CACNA1A: variants seen among roughly 807,000 people sequenced by gnomAD.
The protein encoded by CACNA1A is calcium voltage-gated channel subunit alpha1 A, also known as voltage-dependent P/Q-type calcium channel subunit alpha-1A.
Under a neutral mutation model 262.4 loss-of-function variants are expected in CACNA1A, and 57 were observed. That is an observed-to-expected ratio of 0.22 (90% CI 0.18 to 0.27). The LOEUF is 0.27. Among genes scored for constraint, CACNA1A ranks in the 10% least tolerant of loss-of-function variants. The probability of loss-of-function intolerance (pLI) is 1.00; values close to 1 mark genes in which losing one functional copy is unlikely to be tolerated. For missense variants in CACNA1A, 2,526 were observed against 3,562.8 expected (o/e 0.71, Z 7.41); for synonymous variants, 1,431 against 1,419.3 (o/e 1.01, Z -0.18).
chr19:13,215,727 C>T (rs10405275), intron 38 of CACNA1A, among the ~76,000 whole-genome samples: 124,157 of 151,272 alleles, frequency 0.82, 51,172 homozygotes, highest in Middle Eastern at 0.91. Context: ...AGAGATTCTC[C>T]CGCTTCAGCT....
At chr19:13,278,139 CTGAACATGGCCACCAGAGGGCGCTG>C (rs900514184) in intron 22 of CACNA1A, among the ~76,000 whole-genome samples, 5 of 150,942 alleles carry the variant, frequency 3.3e-5, no homozygotes, top group Non-Finnish European at 7.4e-5. Context: ...CTGAGCATTA[CTGAACATGGCCACCAGAGGGCGCTG>C]TGAACACCAA....
chr19:13,427,177 C>T (rs984457950), intron 3 of CACNA1A, among the ~76,000 whole-genome samples: 2 of 152,022 alleles, frequency 1.3e-5, no homozygotes, highest in Admixed American at 6.6e-5. Flanking sequence ...CCAGGGCATG[C>T]GTGGTGGCTC....
chr19:13,310,530 A>AGAGAGAGT (rs1291290420), intron 12 of CACNA1A, among the ~76,000 whole-genome samples: 4 of 117,842 alleles, frequency 3.4e-5, no homozygotes, highest in African/African-American at 9.6e-5. Flanking sequence ...AGAGAGAGAG[A>AGAGAGAGT]GTTTAATTTT....
At chr19:13,275,827 G>A in intron 24 of CACNA1A, 23 bp downstream of exon 24, 1 of 1,516,356 alleles carries the variant, frequency 6.6e-7, no homozygotes, top group East Asian at 2.3e-5. Context: ...AGAGGCAAGA[G>A]GAACCCTTGC....
chr19:13,336,632 AGAGAGAG>A, intron 6 of CACNA1A, among the ~76,000 whole-genome samples: 2 of 148,914 alleles, frequency 1.3e-5, no homozygotes, highest in Admixed American at 6.7e-5. Flanking sequence ...AGAGAGAGAG[AGAGAGAG>A]AAAAGAATGA....
At chr19:13,332,325 G>C (rs1006506038) in intron 9 of CACNA1A, among the ~76,000 whole-genome samples, 1 of 151,998 alleles carries the variant, frequency 6.6e-6, no homozygotes, top group African/African-American at 2.4e-5. Context: ...GCTTGAACCT[G>C]GGAGCCAGAG....
intron 3 of CACNA1A, among the ~76,000 whole-genome samples, chr19:13,412,547 AG>A (rs2060130215): frequency 6.7e-6 from 1 of 150,162 alleles, no homozygotes; most frequent in Non-Finnish European, 1.5e-5. Context: ...GCGCGATCTC[AG>A]CTCACTGCAA....
At chr19:13,402,789 CAT>C (rs1568610572) in intron 3 of CACNA1A, among the ~76,000 whole-genome samples, 1 of 115,300 alleles carries the variant, frequency 8.7e-6, no homozygotes. Context: ...CATATATATA[CAT>C]ATATACACAC....
chr19:13,475,291 G>T (rs982467973), intron 1 of CACNA1A, among the ~76,000 whole-genome samples: 1 of 152,110 alleles, frequency 6.6e-6, no homozygotes, highest in Non-Finnish European at 1.5e-5. Flanking sequence ...CACACCCCAG[G>T]TCTATTTTTC....
chr19:13,319,438 A>G (rs1007077554), intron 10 of CACNA1A, among the ~76,000 whole-genome samples: 1 of 152,076 alleles, frequency 6.6e-6, no homozygotes, highest in Non-Finnish European at 1.5e-5. Context: ...CCATCCATTC[A>G]TTATTCATTT....
intron 6 of CACNA1A, among the ~76,000 whole-genome samples, chr19:13,339,721 TA>T (rs925969301): frequency 8.0e-5 from 12 of 150,666 alleles, no homozygotes; most frequent in South Asian, 2.1e-4. Flanking sequence ...GTTACAAAGT[TA>T]AAAAAAATAT....
intron 3 of CACNA1A, among the ~76,000 whole-genome samples, chr19:13,419,838 C>T (rs1453513499): frequency 1.3e-5 from 2 of 152,238 alleles, no homozygotes; most frequent in South Asian, 2.1e-4. Flanking sequence ...GTAATCCCAG[C>T]ACTTTGGGAG....
At chr19:13,209,801 G>C (rs2054736278) in intron 44 of CACNA1A, among the ~76,000 whole-genome samples, 1 of 152,208 alleles carries the variant, frequency 6.6e-6, no homozygotes. Flanking sequence ...TCCAGTCCTG[G>C]GGGCCCAGCC....
intron 3 of CACNA1A, among the ~76,000 whole-genome samples, chr19:13,395,647 C>T (rs2059797252): frequency 6.6e-6 from 1 of 151,552 alleles, no homozygotes; most frequent in Admixed American, 6.6e-5. Flanking sequence ...AATTATCTAA[C>T]TTACGTTATT....
intron 3 of CACNA1A, among the ~76,000 whole-genome samples, chr19:13,422,826 C>A (rs1165420198): frequency 6.6e-6 from 1 of 152,232 alleles, no homozygotes; most frequent in African/African-American, 2.4e-5. Flanking sequence ...TGTCACACAC[C>A]ATTGCTGGGA....
chr19:13,316,662 A>C (rs2058133290), intron 11 of CACNA1A: 1 of 153,764 alleles, frequency 6.5e-6, no homozygotes, highest in Non-Finnish European at 1.4e-5. Flanking sequence ...ATAAGTAGAG[A>C]AAATGAGGGC....
intron 3 of CACNA1A, among the ~76,000 whole-genome samples, chr19:13,376,763 G>C (rs915844821): frequency 1.4e-5 from 2 of 140,786 alleles, no homozygotes; most frequent in Non-Finnish European, 3.0e-5. Flanking sequence ...TGTTATATGT[G>C]ACATATATAA....
At chr19:13,386,022 T>C (rs532333474) in intron 3 of CACNA1A, among the ~76,000 whole-genome samples, 21 of 151,638 alleles carry the variant, frequency 1.4e-4, no homozygotes, top group East Asian at 1.9e-4. Context: ...CCGGCCATGG[T>C]GGTACACTCC....
intron 1 of CACNA1A, among the ~76,000 whole-genome samples, chr19:13,461,268 A>G (rs2061117182): frequency 6.6e-6 from 1 of 152,140 alleles, no homozygotes; most frequent in Admixed American, 6.6e-5. Context: ...TGAACCCGGG[A>G]AGCAGAGTTT....
Sources: gnomAD v4.1 joint callset for allele counts (sites outside exome capture counted in the v4.1 genomes callset) on GRCh38, gnomAD v4.1.1 for gene constraint, MANE v1.5 for transcripts, NCBI Gene and HGNC (gene_info 2026-07-23, HGNC 2026-07-21) for gene names.